RPL13: variants seen among roughly 807,000 people sequenced by gnomAD.
RPL13 encodes large ribosomal subunit protein eL13.
A neutral mutation model predicts 21.4 loss-of-function variants in RPL13; 1 was observed. The observed-to-expected ratio is 0.05, with a 90% CI of 0.02 to 0.22. RPL13 has a LOEUF of 0.22. RPL13 is among the 10% of genes least tolerant of loss of function. RPL13 has a pLI of 1.00. For missense variants in RPL13, 289 were observed against 303.0 expected, an observed-to-expected ratio of 0.95 and a Z score of 0.34; for synonymous variants, 143 against 120.5, an observed-to-expected ratio of 1.19 and a Z score of -1.23.
chr16:89,561,486 C>T, intron 3 of RPL13, 92 bp from the exon 4 acceptor site: 4 of 1,611,928 alleles, frequency 2.5e-6, no homozygotes, highest in South Asian at 1.1e-5. Flanking sequence ...ACATTTGAAC[C>T]CTTTTCCATC....
downstream of RPL13, chr16:89,565,401 T>TG (rs1174301052): frequency 1.3e-5 from 2 of 152,224 alleles, no homozygotes; most frequent in Non-Finnish European, 1.5e-5. Context: ...GCAGGATAGC[T>TG]GGGGGGCTGG....
In RPL13 at chr16:89,562,575, A is replaced by C. The variant is rs947498091; in HGVS notation, c.477+184A>C. The C allele has an allele frequency of 1.8e-5, 11 of 602,870 alleles. 1 individual carries two copies. Among genetic ancestry groups the C allele is most frequent in the Non-Finnish European group, 2.6e-5 (9 of 352,068 alleles). The allele number at this position is 602,870 out of a possible 1,614,324, so 37.3% of individuals were successfully genotyped here. A position where few individuals can be genotyped will look rare whatever the true frequency, so the allele number is the denominator to read the frequency against. Reference sequence around the variant, plus strand: ...ACTTCTTGCAACCATGAAGCCATACATTGGGAAGTATTTTTGTTTGTTTTG... The same window carrying C: ...ACTTCTTGCAACCATGAAGCCATACCTTGGGAAGTATTTTTGTTTGTTTTG... On this transcript the variant is annotated intron_variant, in intron 5 of 5. Coordinates refer to ENST00000311528, the MANE Select transcript of RPL13 (RefSeq NM_000977.4).
rs1249363266 is a variant in RPL13, at chr16:89,562,974, C to T, written c.568C>T (p.Arg190Trp). The part of the protein sequence containing the change: ...ASLRMARANA[R>W]LFGIRAKRAK... ...TCTCCGTATGGCCCGTGCCAACGCC[C>T]GGCTCTTCGGCATACGGGCAAAAAG... The change falls in exon 6 of 6, where the codon CGG (arginine) becomes TGG (tryptophan). Residue 190 changes from arginine to tryptophan, a missense_variant. Coordinates refer to ENST00000311528, the MANE Select transcript of RPL13 (RefSeq NM_000977.4). The T allele has an allele frequency of 1.3e-6, 2 of 1,586,928 alleles. No individual in the cohort carries two copies. Among genetic ancestry groups the T allele is most frequent in the East Asian group, 2.3e-5 (1 of 43,392 alleles).
intron 1 of RPL13, 111 bp downstream of exon 1, chr16:89,560,823 C>T (rs900040098): frequency 7.9e-6 from 5 of 631,794 alleles, no homozygotes; most frequent in African/African-American, 3.9e-5. Context: ...AGCGTTCGGC[C>T]GCTGCCCGGG....
chr16:89,560,949 C>A lies in RPL13; in HGVS notation c.-11C>A. On this transcript the variant is annotated 5_prime_UTR_variant, in exon 2 of 6. Transcript: ENST00000311528. Reference sequence around the variant, plus strand: ...CCCCTCTCGTCCGCAGCCGCAGGGCCGTAGGCAGCCATGGCGCCCAGCCGG... The same window carrying A: ...CCCCTCTCGTCCGCAGCCGCAGGGCAGTAGGCAGCCATGGCGCCCAGCCGG... 6.3e-7 allele frequency: 1 copy of A among 1,599,898 alleles called. No individual in the cohort carries two copies. Among genetic ancestry groups the A allele is most frequent in the Non-Finnish European group, 8.5e-7 (1 of 1,175,684 alleles).
rs986711321 is a variant in RPL13 at position 89,563,779 on chromosome 16, C to G, written c.*737C>G. Reference sequence around the variant, plus strand: ...TTTCTAGTTAATGTAGCATCTTGGACTTTGGGGCGTCATTCTTAAGCTTGT... The same window carrying G: ...TTTCTAGTTAATGTAGCATCTTGGAGTTTGGGGCGTCATTCTTAAGCTTGT... On this transcript the variant is annotated 3_prime_UTR_variant, in exon 6 of 6. Transcript: ENST00000311528. 1.3e-5 allele frequency: 2 copies of G among 152,078 alleles called. No individual in the cohort carries two copies. The highest frequency in any genetic ancestry group is 2.9e-5 in the Non-Finnish European group (2 of 68,044). 9.4% of individuals were successfully genotyped at this position (152,078 alleles called of 1,614,324 possible).
chr16:89,561,648 C>T lies in RPL13; in HGVS notation c.317C>T (p.Ser106Phe). 6.2e-7 allele frequency: 1 copy of T among 1,613,854 alleles called. No homozygotes were observed. The highest frequency in any genetic ancestry group is 8.5e-7 in the Non-Finnish European group (1 of 1,180,036). Residue 106 changes from serine (S) to phenylalanine (F), a missense_variant, in exon 4 of 6, where the codon TCC becomes TTC. Physicochemically the swap from Ser to Phe is radical, Grantham distance 155 (BLOSUM62 -2). Transcript: ENST00000311528. ...ISVDPRRRNKSTESLQANVQR... is the reference protein window; with the variant it reads ...ISVDPRRRNKFTESLQANVQR... ...GTGGATCCGAGGAGGCGGAACAAGT[C>T]CACGGAGTCCCTGCAGGCCAACGTG... is the stretch of plus-strand genomic sequence containing the variant.
chr16:89,564,374 ACTTCGTGAT>A lies in RPL13; in HGVS notation c.*1334_*1342del, dbSNP rs912769079. On this transcript the variant is annotated 3_prime_UTR_variant, in exon 6 of 6. Coordinates refer to ENST00000311528, the MANE Select transcript of RPL13 (RefSeq NM_000977.4). ...TTTCCTGTCTGAGGTGTATATGTTA[ACTTCGTGAT>A]CAGTTTGTATGTTTGGGACTCTTGT... is the stretch of plus-strand genomic sequence containing the variant. 2.0e-5 allele frequency: 3 copies of A among 152,306 alleles called. No individual in the cohort carries two copies. Among genetic ancestry groups the A allele is most frequent in the African/African-American group, 7.2e-5 (3 of 41,566 alleles). The allele number at this position is 152,306 out of a possible 1,614,324, so 9.4% of individuals were successfully genotyped here.
Position 89,564,006 on chromosome 16 carries a change from C to A in RPL13, c.*964C>A, listed in dbSNP as rs1267203149. On this transcript the variant is annotated 3_prime_UTR_variant, in exon 6 of 6. Transcript: ENST00000311528. ...GGGTGCCCTGGTCTGAGCTGGCATCCCCATGTCTTCTGTGTCCGAGGGCAG... is the reference window on the plus strand; with the variant it reads ...GGGTGCCCTGGTCTGAGCTGGCATCACCATGTCTTCTGTGTCCGAGGGCAG... 1 of 152,180 alleles carries A rather than the reference C, an allele frequency of 6.6e-6. No individual in the cohort carries two copies. Among genetic ancestry groups the A allele is most frequent in the Non-Finnish European group, 1.5e-5 (1 of 68,042 alleles). The allele number at this position is 152,180 out of a possible 1,614,324, so 9.4% of individuals were successfully genotyped here.
Position 89,560,731 on chromosome 16 carries a change from T to TG in RPL13, c.-21+21dup, listed in dbSNP as rs1200732708. On this transcript the variant is annotated intron_variant, in intron 1 of 5. Coordinates refer to ENST00000311528, the MANE Select transcript of RPL13 (RefSeq NM_000977.4). ...GCAGGAGGTGAGGGAGACTGGGTCC[T>TG]GGCCTTTGGGCATCATCCAGCGCCA... is the stretch of plus-strand genomic sequence containing the variant. 2.0e-6 allele frequency: 1 copy of TG among 498,076 alleles called. No homozygotes were observed. Among genetic ancestry groups the TG allele is most frequent in the Non-Finnish European group, 3.5e-6 (1 of 283,330 alleles). The allele number at this position is 498,076 out of a possible 1,614,324, so 30.9% of individuals were successfully genotyped here. A position where few individuals can be genotyped will look rare whatever the true frequency, so the allele number is the denominator to read the frequency against.
downstream of RPL13, chr16:89,565,299 T>TGGGCTGGGCTGGGCTGGGCC (rs2058778214): frequency 7.2e-6 from 1 of 139,354 alleles, no homozygotes; most frequent in Non-Finnish European, 1.6e-5. Context: ...TGGGCTGGGC[T>TGGGCTGGGCTGGGCTGGGCC]GGGCTGGGCC....
chr16:89,561,766 C>G lies in RPL13; in HGVS notation c.420+15C>G, dbSNP rs372620293. 1.1e-5 allele frequency: 17 copies of G among 1,607,956 alleles called. No homozygotes were observed. Among genetic ancestry groups the G allele is most frequent in the Non-Finnish European group, 1.4e-5 (16 of 1,175,556 alleles). On this transcript the variant is annotated intron_variant, in intron 4 of 5. Transcript: ENST00000311528. ...GAGACAGTTCTGTGAGTACACGGCT[C>G]TCTGGCCGTCCTGGTGCGCGGGGAC...
intron 1 of RPL13, 80 bp downstream of exon 1, chr16:89,560,792 G>A (rs1381505890): frequency 7.2e-6 from 4 of 558,294 alleles, no homozygotes; most frequent in Non-Finnish European, 1.2e-5. Context: ...GGAGTGGATG[G>A]GCCCCTTCTT....
chr16:89,561,629 C>G lies in RPL13; in HGVS notation c.298C>G (p.Pro100Ala). 6.2e-7 allele frequency: 1 copy of G among 1,613,790 alleles called. No homozygotes were observed. The highest frequency in any genetic ancestry group is 8.5e-7 in the Non-Finnish European group (1 of 1,180,042). Residue 100 changes from proline to alanine, a missense_variant, in exon 4 of 6, where the codon CCG (proline) becomes GCG (alanine). By Grantham distance (27) the Pro-to-Ala change is conservative (BLOSUM62 -1). Coordinates refer to ENST00000311528, the MANE Select transcript of RPL13 (RefSeq NM_000977.4). The stretch of plus-strand genomic sequence containing the variant: ...CCGGACCATCGGCATTTCTGTGGAT[C>G]CGAGGAGGCGGAACAAGTCCACGGA... The part of the protein sequence containing the change: ...VARTIGISVD[P>A]RRRNKSTESL...
At chr16:89,562,478 G>A (rs1263084375) in intron 5 of RPL13, 87 bp downstream of exon 5, 2 of 1,329,704 alleles carry the variant, frequency 1.5e-6, no homozygotes, top group South Asian at 1.3e-5. Flanking sequence ...ATGGGGGTCA[G>A]GCTTAAGAAC....
chr16:89,562,790 C>T, intron 5 of RPL13, 94 bp from the exon 6 acceptor site: 3 of 1,341,624 alleles, frequency 2.2e-6, no homozygotes, highest in Non-Finnish European at 3.0e-6. Flanking sequence ...ACCTGACCCC[C>T]AATCCCCGGG....
In RPL13 at chr16:89,560,997, A is replaced by G; in HGVS notation, c.38A>G (p.His13Arg). ...CGGAATGGCATGGTCTTGAAGCCCC[A>G]CTTCCACAAGGACTGGCAGCGGCGC... ...PSRNGMVLKP[H>R]FHKDWQRRVA... Residue 13 changes from histidine (H) to arginine (R), a missense_variant, in exon 2 of 6, where the codon CAC becomes CGC. His to Arg is a conservative substitution (Grantham distance 29, BLOSUM62 0). Coordinates refer to ENST00000311528, the MANE Select transcript of RPL13 (RefSeq NM_000977.4). 1 of 1,607,624 alleles carries G rather than the reference A, an allele frequency of 6.2e-7. No homozygotes were observed.
At chr16:89,565,376 C>A (rs2152415371), downstream of RPL13, 1 of 152,466 alleles carries the variant, frequency 6.6e-6, no homozygotes, top group African/African-American at 2.4e-5. Flanking sequence ...CTTCCTGGGG[C>A]TGAGGAAGGC....
chr16:89,566,661 C>T (rs1454071875), downstream of RPL13: 1 of 149,578 alleles, frequency 6.7e-6, no homozygotes, highest in Non-Finnish European at 1.5e-5. Flanking sequence ...GAGACCCTAT[C>T]TCAGGAAAAA....
Sources: allele counts gnomAD v4.1 joint callset, GRCh38; gene constraint gnomAD v4.1.1; transcripts MANE v1.5; gene names NCBI Gene and HGNC (gene_info 2026-07-23, HGNC 2026-07-21).